CAPN15: variants seen among roughly 807,000 people sequenced by gnomAD.
CAPN15 encodes calpain-15.
In CAPN15, 53 loss-of-function variants were observed where a neutral mutation model predicts 97.9. That is an observed-to-expected ratio of 0.54 (90% CI 0.43 to 0.68). The LOEUF (loss-of-function observed/expected upper bound fraction) is 0.68. Among genes scored for constraint, CAPN15 ranks in the 30% least tolerant of loss-of-function variants. The probability of loss-of-function intolerance (pLI) is 0.00; values close to 1 mark genes in which losing one functional copy is unlikely to be tolerated. For synonymous variants in CAPN15, 922 were observed against 722.5 expected (o/e 1.28, Z -4.43); for missense variants, 1,592 against 1,589.8 (o/e 1.00, Z -0.02).
At chr16:549,243 C>T (rs780248636) in intron 5 of CAPN15, 42 bp downstream of exon 5, 21 of 1,534,296 alleles carry the variant, frequency 1.4e-5, no homozygotes, top group East Asian at 7.4e-5. Flanking sequence ...GGTGGGCGGG[C>T]GACCGGCCGC....
chr16:540,122 C>T, intron 3 of CAPN15: 1 of 985,504 alleles, frequency 1.0e-6, no homozygotes, highest in Non-Finnish European at 1.2e-6. Context: ...CCTCCATGCT[C>T]CGCTTCGCCC....
chr16:538,023 A>G (rs1269109173), intron 3 of CAPN15: 1 of 152,226 alleles, frequency 6.6e-6, no homozygotes, highest in African/African-American at 2.4e-5. Flanking sequence ...TGTCTCAGAT[A>G]CCTCGGATCA....
chr16:551,779 G>T, intron 9 of CAPN15, 115 bp downstream of exon 9: 1 of 1,334,116 alleles, frequency 7.5e-7, no homozygotes, highest in Non-Finnish European at 1.0e-6. Flanking sequence ...CTTGTTCGTG[G>T]CCCAAATGGG....
chr16:545,044 C>A (rs2034491619), intron 3 of CAPN15, among the ~76,000 whole-genome samples: 1 of 151,730 alleles, frequency 6.6e-6, no homozygotes, highest in Non-Finnish European at 1.5e-5. Context: ...TCGCTCAGGC[C>A]TGGCTTTGGG....
At position 553,624 on chromosome 16, in the gene CAPN15, C is replaced by A. The variant is rs1401802934; in HGVS notation, c.*108C>A. 2 of 678,454 alleles carry A rather than the reference C, an allele frequency of 2.9e-6. No individual in the cohort carries two copies. The highest frequency in any genetic ancestry group is 1.8e-5 in the African/African-American group (1 of 54,176). The allele number at this position is 678,454 out of a possible 1,614,324, so 42.0% of individuals were successfully genotyped here. A position where few individuals can be genotyped will look rare whatever the true frequency, so the allele number is the denominator to read the frequency against. On this transcript the variant is annotated 3_prime_UTR_variant, in exon 14 of 14. Transcript: ENST00000219611. ...CGCTTGAGCCAGAATCTCAGGACCCCGCCCAGGGAGCTGCCAGCCCAGGGC... is the reference window on the plus strand; with the variant it reads ...CGCTTGAGCCAGAATCTCAGGACCCAGCCCAGGGAGCTGCCAGCCCAGGGC...
chr16:533,340 C>G (rs751739397), intron 1 of CAPN15, among the ~76,000 whole-genome samples: 41 of 152,226 alleles, frequency 2.7e-4, no homozygotes, highest in African/African-American at 9.6e-4. Context: ...AGCATCCTGC[C>G]CACCGCAGTG....
chr16:534,640 G>A (rs144562625), intron 2 of CAPN15, among the ~76,000 whole-genome samples: 8 of 152,334 alleles, frequency 5.3e-5, no homozygotes, highest in Non-Finnish European at 8.8e-5. Context: ...TGTGGGCACC[G>A]ACTGAGCTTC....
At chr16:543,060 A>G (rs1324159792) in intron 3 of CAPN15, among the ~76,000 whole-genome samples, 1 of 152,010 alleles carries the variant, frequency 6.6e-6, no homozygotes, top group Non-Finnish European at 1.5e-5. Flanking sequence ...CAAAATAAAA[A>G]TACAAACCCT....
rs1386756307 is a variant in CAPN15, at chr16:551,852, C to G, written c.2345+188C>G. On this transcript the variant is annotated intron_variant, in intron 9 of 13. Coordinates refer to ENST00000219611, the MANE Select transcript of CAPN15 (RefSeq NM_005632.3). ...TCAGGTCCACCCAGGTCAGCAGATT[C>G]CAGCGCCCTGAAGAGCCGGCCCTGG... is the stretch of plus-strand genomic sequence containing the variant. 4.0e-6 allele frequency: 4 copies of G among 990,042 alleles called. No individual in the cohort carries two copies. In the African/African-American group the frequency reaches 4.8e-5, roughly 12 times the overall value. The allele number at this position is 990,042 out of a possible 1,614,324, so 61.3% of individuals were successfully genotyped here. A position where few individuals can be genotyped will look rare whatever the true frequency, so the allele number is the denominator to read the frequency against.
Position 551,378 on chromosome 16 carries a change from C to T in CAPN15, c.2143C>T (p.Pro715Ser), listed in dbSNP as rs1460375678. 7.5e-6 allele frequency: 12 copies of T among 1,610,452 alleles called. No homozygotes were observed. Among genetic ancestry groups the T allele is most frequent in the South Asian group, 1.1e-5 (1 of 90,960 alleles). ...DSAYESLGLR[P>S]RHAYSILDVR... is the part of the protein sequence containing the mutation. ...GGCCTACGAGAGCCTGGGCCTGCGC[C>T]CCCGGCATGCCTACTCCATCCTGGA... Residue 715 changes from proline to serine, a missense_variant, in exon 8 of 14, where the codon CCC (proline) becomes TCC (serine). Physicochemically the swap from Pro to Ser is moderately conservative, Grantham distance 74 (BLOSUM62 -1). This residue lies in a region of CAPN15 where 644 missense variants were observed against 699.6 expected (regional missense o/e 0.92). Coordinates refer to ENST00000219611, the MANE Select transcript of CAPN15 (RefSeq NM_005632.3).
In CAPN15 at chr16:553,325, G is replaced by A. The variant is rs1596366740; in HGVS notation, c.3084-14G>A. 6.3e-7 allele frequency: 1 copy of A among 1,586,140 alleles called. No individual in the cohort carries two copies. ...CCCTGCCCTCCACAGGTCCTCACCG[G>A]TCCCCTCCCCCAGGCAGGTCCTGGT... On this transcript the variant is annotated splice_polypyrimidine_tract_variant and intron_variant, in intron 13 of 13. Transcript: ENST00000219611.
intron 1 of CAPN15, among the ~76,000 whole-genome samples, chr16:530,183 T>C (rs1483266927): frequency 2.6e-5 from 4 of 152,226 alleles, no homozygotes; most frequent in Non-Finnish European, 5.9e-5. Context: ...TGTGACCCTG[T>C]AGCTGGTCCC....
intron 1 of CAPN15, among the ~76,000 whole-genome samples, chr16:529,512 G>A (rs1187230160): frequency 6.6e-6 from 1 of 152,206 alleles, no homozygotes; most frequent in South Asian, 2.1e-4. Flanking sequence ...TCTCCCTCCT[G>A]CTGGTTCCAC....
intron 7 of CAPN15, among the ~76,000 whole-genome samples, chr16:550,684 A>AGTCGGTGAGGGTCCCG (rs1379082933): frequency 7.1e-5 from 3 of 42,208 alleles, no homozygotes. Context: ...GAGGGCCCCC[A>AGTCGGTGAGGGTCCCG]GTCGGTGAGG....
intron 1 of CAPN15, among the ~76,000 whole-genome samples, chr16:529,723 C>T (rs1350274646): frequency 1.3e-5 from 2 of 152,144 alleles, no homozygotes; most frequent in African/African-American, 2.4e-5. Flanking sequence ...AGAAGGAGGA[C>T]GACATCATTA....
chr16:537,384 C>T, intron 3 of CAPN15: 1 of 985,580 alleles, frequency 1.0e-6, no homozygotes, highest in Non-Finnish European at 1.2e-6. Context: ...CAGGCGGGGC[C>T]TGGTAGGAGC....
chr16:540,782 G>C (rs911960532), intron 3 of CAPN15, among the ~76,000 whole-genome samples: 1 of 152,334 alleles, frequency 6.6e-6, no homozygotes, highest in Non-Finnish European at 1.5e-5. Context: ...CACATGGCTT[G>C]GTGGCCGAAC....
In CAPN15 at chr16:551,608, C is replaced by T. The variant is rs368205175; in HGVS notation, c.2289C>T (p.Leu763=). Residue 763 remains leucine, a synonymous_variant, in exon 9 of 14, where the codon CTC becomes CTT. Coordinates refer to ENST00000219611, the MANE Select transcript of CAPN15 (RefSeq NM_005632.3). ...GGCCGGGGCACCTGCGTGGCGAGCT[C>T]ATGCCGCACGGCAGCAGTGAGGGTG... The part of the protein sequence containing the change: ...PHWPGHLRGE[L]MPHGSSEGVF... 6 of 1,607,428 alleles carry T rather than the reference C, an allele frequency of 3.7e-6. No homozygotes were observed. The highest frequency in any genetic ancestry group is 4.2e-6 in the Non-Finnish European group (5 of 1,178,668).
chr16:552,748 G>C lies in CAPN15; in HGVS notation c.2881G>C (p.Glu961Gln). The C allele has an allele frequency of 3.3e-6, 5 of 1,536,622 alleles. No individual in the cohort carries two copies. Among genetic ancestry groups the C allele is most frequent in the Non-Finnish European group, 4.4e-6 (5 of 1,141,226 alleles). The change falls in exon 12 of 14, where the codon GAG becomes CAG. Residue 961 changes from glutamate (E) to glutamine (Q), a missense_variant. Glu to Gln is a conservative substitution (Grantham distance 29, BLOSUM62 2). Around this residue, in one of 3 missense-constraint regions of CAPN15, gnomAD observed 644 missense variants for 699.6 expected, o/e 0.92. Transcript: ENST00000219611. This position sits in a 1 kb window ranked among gnomAD's most constrained non-coding sequence, Gnocchi z 6.4. The stretch of plus-strand genomic sequence containing the variant: ...GGCCGACGCCATCATCCTGCTCACC[G>C]AGAGCCGCGGAGAGCGGCACGAGGT... ...TLADAIILLT[E>Q]SRGERHEGRE...
Sources: gnomAD v4.1 joint callset for allele counts (sites outside exome capture counted in the v4.1 genomes callset) on GRCh38, gnomAD v4.1.1 for gene constraint, gnomAD v4.1.1 regional missense constraint, Gnocchi (gnomAD v3.1) non-coding constraint, MANE v1.5 for transcripts, NCBI Gene and HGNC (gene_info 2026-07-23, HGNC 2026-07-21) for gene names.